Variants in DKK2 observed in about 807,000 individuals in gnomAD.
The protein encoded by DKK2 is dickkopf-related protein 2.
DKK2 carries 11 observed loss-of-function variants against 28.1 expected under a neutral mutation model. The ratio of observed to expected loss-of-function variants is 0.39; its 90% CI spans 0.25 to 0.65. The LOEUF (loss-of-function observed/expected upper bound fraction) is 0.65, where lower values mean the gene tolerates loss of function less well. Among genes scored for constraint, DKK2 ranks in the 30% least tolerant of loss-of-function variants. The pLI is 0.47. For missense variants in DKK2, 326 were observed against 335.5 expected (o/e 0.97, Z 0.22); for synonymous variants, 135 against 126.5 (o/e 1.07, Z -0.45).
chr4:107,028,718 A>G (rs1024727784), intron 1 of DKK2, among the ~76,000 whole-genome samples: 1 of 152,198 alleles, frequency 6.6e-6, no homozygotes, highest in African/African-American at 2.4e-5. Context: ...GGTCAAAGGT[A>G]AGGAAAAAGC....
chr4:107,023,186 T>C (rs1723721284), intron 1 of DKK2, among the ~76,000 whole-genome samples: 1 of 152,118 alleles, frequency 6.6e-6, no homozygotes, highest in Non-Finnish European at 1.5e-5. Flanking sequence ...TATTAGAGAG[T>C]AATAATCATG....
intron 1 of DKK2, among the ~76,000 whole-genome samples, chr4:107,034,082 A>G (rs572729811): frequency 6.6e-6 from 1 of 152,228 alleles, no homozygotes; most frequent in African/African-American, 2.4e-5. Context: ...TGGAACTGCA[A>G]AACTAGCAAA....
At chr4:107,026,391 A>G (rs527639093) in intron 1 of DKK2, among the ~76,000 whole-genome samples, 2 of 152,320 alleles carry the variant, frequency 1.3e-5, no homozygotes, top group South Asian at 4.1e-4. Flanking sequence ...AATTCAAGAT[A>G]TAAAGATAAA....
intron 1 of DKK2, among the ~76,000 whole-genome samples, 191 bp downstream of exon 1, chr4:107,035,179 G>A (rs1342916409): frequency 1.3e-5 from 2 of 152,082 alleles, no homozygotes; most frequent in Non-Finnish European, 2.9e-5. Flanking sequence ...ACTCCGTGCA[G>A]TGCAGGACCA....
chr4:106,970,131 T>A (rs1722849861), intron 1 of DKK2, among the ~76,000 whole-genome samples: 2 of 152,154 alleles, frequency 1.3e-5, no homozygotes, highest in Non-Finnish European at 2.9e-5. Context: ...TGACAATTGT[T>A]TAGCCTGAGT....
rs1298622441 is a variant in DKK2 at position 106,967,877 on chromosome 4, AAGG to A, written c.223-41931_223-41929del. Among the ~76,000 whole-genome samples, 7 of 151,000 alleles carry A rather than the reference AAGG, an allele frequency of 4.6e-5. No homozygotes were observed. In the Admixed American group the frequency reaches 4.6e-4, roughly 10 times the overall value. ...GGCAAGGGAAGAAGGAGGGAAGCAA[AAGG>A]AGAAGAAGGAAGGGAGGGAGAGGCA... On this transcript the variant is annotated intron_variant, in intron 1 of 3. Coordinates refer to ENST00000285311, the MANE Select transcript of DKK2 (RefSeq NM_014421.3).
At chr4:107,014,816 T>C (rs1291922570) in intron 1 of DKK2, among the ~76,000 whole-genome samples, 1 of 150,102 alleles carries the variant, frequency 6.7e-6, no homozygotes, top group African/African-American at 2.4e-5. Flanking sequence ...AAATAGGTTC[T>C]ACACACACAC....
chr4:107,035,958 G>A lies in DKK2; in HGVS notation c.-367C>T, dbSNP rs1723959630. On this transcript the variant is annotated 5_prime_UTR_variant, in exon 1 of 4. Transcript: ENST00000285311. ...CCCCGCACCTCCTTGGTCCCGCCGG[G>A]ATCTCGGCGGTTTAACTCTCCTCTT... 3.5e-6 allele frequency: 1 copy of A among 286,276 alleles called. No individual in the cohort carries two copies. The highest frequency in any genetic ancestry group is 2.2e-5 in the African/African-American group (1 of 45,872). 17.7% of individuals were successfully genotyped at this position (286,276 alleles called of 1,614,324 possible). A position where few individuals can be genotyped will look rare whatever the true frequency, so the allele number is the denominator to read the frequency against.
intron 1 of DKK2, among the ~76,000 whole-genome samples, chr4:106,957,357 G>C (rs948224086): frequency 6.6e-6 from 1 of 151,812 alleles, no homozygotes; most frequent in Non-Finnish European, 1.5e-5. Context: ...ATTCCTCAGG[G>C]ATCTAGAACT....
chr4:106,975,353 C>G (rs1039909220), intron 1 of DKK2, among the ~76,000 whole-genome samples: 3 of 152,102 alleles, frequency 2.0e-5, no homozygotes, highest in Non-Finnish European at 4.4e-5. Context: ...TAGAATTCGG[C>G]TGTGAATCCA....
chr4:106,932,621 A>T (rs1375864091), intron 1 of DKK2, among the ~76,000 whole-genome samples: 1 of 152,160 alleles, frequency 6.6e-6, no homozygotes, highest in Non-Finnish European at 1.5e-5. Flanking sequence ...AATGGATAGG[A>T]CAGAACACTT....
At chr4:107,013,882 C>T (rs958619897) in intron 1 of DKK2, among the ~76,000 whole-genome samples, 1 of 151,388 alleles carries the variant, frequency 6.6e-6, no homozygotes. Flanking sequence ...GGGCAAAAGA[C>T]TTTAATAGAC....
intron 1 of DKK2, among the ~76,000 whole-genome samples, chr4:106,968,230 G>C (rs923689320): frequency 1.3e-5 from 2 of 152,190 alleles, no homozygotes; most frequent in Non-Finnish European, 2.9e-5. Flanking sequence ...ACATCAGAGA[G>C]TGAGACACAG....
intron 1 of DKK2, among the ~76,000 whole-genome samples, chr4:106,962,970 G>C (rs1722715294): frequency 6.6e-6 from 1 of 152,096 alleles, no homozygotes; most frequent in Non-Finnish European, 1.5e-5. Flanking sequence ...TGAGGTAGGG[G>C]AATCGCTTGA....
chr4:106,962,194 C>T (rs80347277), intron 1 of DKK2, among the ~76,000 whole-genome samples: 7,748 of 152,138 alleles, frequency 0.051, 256 homozygotes, highest in Non-Finnish European at 0.074. Context: ...ATTACAGATT[C>T]GTCCATATTT....
At chr4:107,005,744 T>A (rs140045198) in intron 1 of DKK2, among the ~76,000 whole-genome samples, 1 of 152,204 alleles carries the variant, frequency 6.6e-6, no homozygotes, top group East Asian at 1.9e-4. Flanking sequence ...TAGCATTTCA[T>A]TTTTAGTTTC....
intron 1 of DKK2, among the ~76,000 whole-genome samples, chr4:106,989,622 A>G (rs1723176033): frequency 6.6e-6 from 1 of 152,238 alleles, no homozygotes; most frequent in Admixed American, 6.5e-5. Flanking sequence ...AGTATCACCT[A>G]ATTAATATTG....
At chr4:107,003,852 G>C (rs1358822974) in intron 1 of DKK2, among the ~76,000 whole-genome samples, 3 of 152,128 alleles carry the variant, frequency 2.0e-5, no homozygotes, top group African/African-American at 7.2e-5. Flanking sequence ...AGATCCCCAG[G>C]TAATTTATAC....
At chr4:107,007,120 A>C (rs1454032060) in intron 1 of DKK2, among the ~76,000 whole-genome samples, 1 of 152,116 alleles carries the variant, frequency 6.6e-6, no homozygotes, top group East Asian at 1.9e-4. Context: ...TAGAAAGTTT[A>C]CTTTTTTAGT....
Sources: gnomAD v4.1 joint callset for allele counts (sites outside exome capture counted in the v4.1 genomes callset) on GRCh38, gnomAD v4.1.1 for gene constraint, MANE v1.5 for transcripts, NCBI Gene and HGNC (gene_info 2026-07-23, HGNC 2026-07-21) for gene names.